Variants in ZNF804B observed in about 807,000 individuals in gnomAD.
ZNF804B encodes the protein zinc finger protein 804B.
In ZNF804B, 80 loss-of-function variants were observed where a neutral mutation model predicts 101.4. The ratio of observed to expected loss-of-function variants is 0.79; its 90% CI spans 0.66 to 0.95. The LOEUF is 0.95. ZNF804B is among the 40% of genes least tolerant of loss of function. ZNF804B has a pLI of 0.00. For synonymous variants in ZNF804B, 622 were observed against 558.8 expected (o/e 1.11, Z -1.59); for missense variants, 1,673 against 1,561.9 (o/e 1.07, Z -1.20).
intron 1 of ZNF804B, among the ~76,000 whole-genome samples, chr7:88,961,131 C>A (rs1288492374): frequency 6.6e-6 from 1 of 151,392 alleles, no homozygotes; most frequent in East Asian, 2.0e-4. Context: ...TGAAAAAACA[C>A]CCAATTCTAT....
intron 1 of ZNF804B, among the ~76,000 whole-genome samples, chr7:88,798,940 T>A (rs889891082): frequency 2.6e-5 from 4 of 152,088 alleles, no homozygotes; most frequent in African/African-American, 9.7e-5. Context: ...CTACCCAGAG[T>A]GATCTGTTTA....
intron 1 of ZNF804B, among the ~76,000 whole-genome samples, chr7:88,961,925 C>G (rs1266785270): frequency 6.6e-6 from 1 of 151,228 alleles, no homozygotes; most frequent in Non-Finnish European, 1.5e-5. Context: ...TTAACGAATA[C>G]CAAACAGTAA....
At chr7:88,823,326 A>C (rs547425144) in intron 1 of ZNF804B, among the ~76,000 whole-genome samples, 2 of 152,324 alleles carry the variant, frequency 1.3e-5, no homozygotes, top group East Asian at 3.9e-4. Flanking sequence ...ATACTCAGTG[A>C]TCTCCATGAT....
chr7:88,873,481 C>T (rs1452797408), intron 1 of ZNF804B, among the ~76,000 whole-genome samples: 4 of 152,074 alleles, frequency 2.6e-5, no homozygotes, highest in Non-Finnish European at 5.9e-5. Flanking sequence ...TAATTAGATC[C>T]CATTTGTCAA....
At chr7:89,002,904 G>A (rs994141953) in intron 1 of ZNF804B, among the ~76,000 whole-genome samples, 6 of 151,920 alleles carry the variant, frequency 3.9e-5, no homozygotes, top group African/African-American at 1.4e-4. Context: ...TGAGTCTATT[G>A]TGATAGAGAA....
intron 2 of ZNF804B, among the ~76,000 whole-genome samples, chr7:89,300,790 T>A (rs892629390): frequency 6.6e-6 from 1 of 151,956 alleles, no homozygotes; most frequent in Admixed American, 6.6e-5. Flanking sequence ...TAATAAGCTT[T>A]AATCAGGCAA....
intron 1 of ZNF804B, among the ~76,000 whole-genome samples, chr7:89,175,888 C>G (rs1303083085): frequency 6.6e-6 from 1 of 151,772 alleles, no homozygotes; most frequent in African/African-American, 2.4e-5. Flanking sequence ...TTAAATGCTA[C>G]CAATTTTTCT....
At chr7:89,277,166 A>C (rs1398557559) in intron 2 of ZNF804B, among the ~76,000 whole-genome samples, 1 of 149,148 alleles carries the variant, frequency 6.7e-6, no homozygotes, top group East Asian at 1.9e-4. Flanking sequence ...AAAATGTTAT[A>C]TATAGATACA....
chr7:89,156,066 T>TTCTTTCTC lies in ZNF804B; in HGVS notation c.109-62074_109-62067dup, dbSNP rs1442267161. On this transcript the variant is annotated intron_variant, in intron 1 of 3. Coordinates refer to ENST00000333190, the MANE Select transcript of ZNF804B (RefSeq NM_181646.5). ...TTTCTTTCTTTCTTTCTTTCTTTCT[T>TTCTTTCTC]TCTTTCTCTCTTTCTCTCTTTCCTT... is the stretch of plus-strand genomic sequence containing the variant. 6.6e-3 allele frequency among the ~76,000 whole-genome samples: 437 copies of TTCTTTCTC among 66,498 alleles called. 5 individuals carry two copies. The highest frequency in any genetic ancestry group is 0.019 in the African/African-American group (393 of 20,562). 43.6% of individuals were successfully genotyped at this position (66,498 alleles called of 152,430 possible).
chr7:88,915,006 A>G (rs955842654), intron 1 of ZNF804B, among the ~76,000 whole-genome samples: 1 of 152,164 alleles, frequency 6.6e-6, no homozygotes, highest in Non-Finnish European at 1.5e-5. Flanking sequence ...TAAGTAGAAT[A>G]TAGCACATTA....
rs567439528 is a variant in ZNF804B, at chr7:89,280,229, T to C, written c.250-47115T>C. 7.8e-3 allele frequency among the ~76,000 whole-genome samples: 1,192 copies of C among 151,874 alleles called. 21 individuals are homozygous for C. Among genetic ancestry groups the C allele is most frequent in the African/African-American group, 0.027 (1,134 of 41,336 alleles). ...AACCAATGAGAACAAAGACACAACA[T>C]ACCAGAATCTCTGGGACACATTCAA... On this transcript the variant is annotated intron_variant, in intron 2 of 3. Transcript: ENST00000333190.
At chr7:89,254,790 C>T (rs1311252028) in intron 2 of ZNF804B, among the ~76,000 whole-genome samples, 3 of 151,892 alleles carry the variant, frequency 2.0e-5, no homozygotes, top group East Asian at 1.9e-4. Flanking sequence ...GGATTACAGG[C>T]GCCCGCCACC....
chr7:89,263,101 A>G (rs1789735360), intron 2 of ZNF804B, among the ~76,000 whole-genome samples: 2 of 152,294 alleles, frequency 1.3e-5, no homozygotes, highest in East Asian at 1.9e-4. Context: ...TTTTCTGAGT[A>G]TGGGCACTTG....
intron 2 of ZNF804B, among the ~76,000 whole-genome samples, chr7:89,226,842 C>A (rs1337123878): frequency 6.6e-6 from 1 of 152,118 alleles, no homozygotes; most frequent in Non-Finnish European, 1.5e-5. Context: ...TATATTTCAT[C>A]AATTTTGCAT....
At chr7:89,250,819 A>G (rs1230930359) in intron 2 of ZNF804B, among the ~76,000 whole-genome samples, 1 of 152,246 alleles carries the variant, frequency 6.6e-6, no homozygotes, top group Non-Finnish European at 1.5e-5. Context: ...TTCACCACAT[A>G]AACAGAATGA....
At chr7:88,999,586 G>A (rs1321215661) in intron 1 of ZNF804B, among the ~76,000 whole-genome samples, 1 of 151,794 alleles carries the variant, frequency 6.6e-6, no homozygotes, top group East Asian at 1.9e-4. Flanking sequence ...CAGCATTTTT[G>A]TTGCCTAATG....
chr7:89,036,087 C>T (rs2116239996), intron 1 of ZNF804B, among the ~76,000 whole-genome samples: 1 of 149,154 alleles, frequency 6.7e-6, no homozygotes, highest in African/African-American at 2.4e-5. Flanking sequence ...GTGGTACCTG[C>T]AGTGCTCACT....
chr7:89,153,181 G>T (rs1331099271), intron 1 of ZNF804B, among the ~76,000 whole-genome samples: 1 of 151,898 alleles, frequency 6.6e-6, no homozygotes, highest in African/African-American at 2.4e-5. Flanking sequence ...CTAGCAGAAT[G>T]AGGCAATGAG....
chr7:89,201,582 A>T (rs183630797), intron 1 of ZNF804B, among the ~76,000 whole-genome samples: 1 of 152,188 alleles, frequency 6.6e-6, no homozygotes, highest in Non-Finnish European at 1.5e-5. Context: ...GTAGTGGAAT[A>T]ATATGAAAAG....
Sources: allele counts gnomAD v4.1 joint callset (sites outside exome capture counted in the v4.1 genomes callset), GRCh38; gene constraint gnomAD v4.1.1; transcripts MANE v1.5; gene names NCBI Gene and HGNC (gene_info 2026-07-23, HGNC 2026-07-21).